Variants in EHBP1 observed in about 807,000 individuals in gnomAD.
EHBP1 encodes EH domain binding protein 1.
Under a neutral mutation model 144.0 loss-of-function variants are expected in EHBP1, and 55 were observed. The ratio of observed to expected loss-of-function variants is 0.38; its 90% CI spans 0.31 to 0.48. The LOEUF is 0.48. Among genes scored for constraint, EHBP1 ranks in the 20% least tolerant of loss-of-function variants. The pLI, the probability that EHBP1 is intolerant of heterozygous loss-of-function variation, is 0.98. For missense variants in EHBP1, 1,200 were observed against 1,364.2 expected (o/e 0.88, Z 1.90); for synonymous variants, 469 against 472.7 (o/e 0.99, Z 0.10).
chr2:63,016,660 A>G (rs777240883), intron 19 of EHBP1, among the ~76,000 whole-genome samples: 1 of 152,080 alleles, frequency 6.6e-6, no homozygotes, highest in African/African-American at 2.4e-5. Flanking sequence ...CGAACTCCTG[A>G]GCTCAGGTGA....
intron 6 of EHBP1, among the ~76,000 whole-genome samples, chr2:62,829,912 A>C (rs558587377): frequency 6.6e-6 from 1 of 150,944 alleles, no homozygotes; most frequent in Admixed American, 6.6e-5. Flanking sequence ...TGGTACAACC[A>C]CTATGAAAAA....
At chr2:62,986,983 A>G (rs1270509876) in intron 15 of EHBP1, among the ~76,000 whole-genome samples, 1 of 152,146 alleles carries the variant, frequency 6.6e-6, no homozygotes, top group Non-Finnish European at 1.5e-5. Context: ...AAGTTGCCCA[A>G]TTGAAAAAAA....
chr2:62,734,761 ATGTG>A (rs1489215373), intron 2 of EHBP1, among the ~76,000 whole-genome samples: 2 of 151,886 alleles, frequency 1.3e-5, no homozygotes, highest in African/African-American at 4.8e-5. Context: ...GTGTGCGTGC[ATGTG>A]TGTGTTTTAA....
At chr2:62,883,366 A>G (rs2051636770) in intron 10 of EHBP1, among the ~76,000 whole-genome samples, 2 of 152,354 alleles carry the variant, frequency 1.3e-5, no homozygotes, top group South Asian at 4.1e-4. Context: ...TTGCAGATAC[A>G]TTGTGGAATA....
chr2:62,921,478 A>G (rs2055076461), intron 10 of EHBP1, among the ~76,000 whole-genome samples: 1 of 152,072 alleles, frequency 6.6e-6, no homozygotes, highest in Admixed American at 6.6e-5. Context: ...TCCCCATGAT[A>G]ACCACAAAGA....
intron 21 of EHBP1, among the ~76,000 whole-genome samples, chr2:63,043,689 C>CG (rs922956169): frequency 9.3e-5 from 14 of 151,254 alleles, no homozygotes; most frequent in East Asian, 7.8e-4. Context: ...TGGAGGGGGT[C>CG]GGGGGGGATT....
intron 3 of EHBP1, among the ~76,000 whole-genome samples, chr2:62,758,053 CTCTTTTT>C (rs1217394449): frequency 2.6e-5 from 4 of 152,056 alleles, no homozygotes; most frequent in African/African-American, 9.6e-5. Flanking sequence ...TTATTGCTCA[CTCTTTTT>C]TGAGGTACGT....
chr2:62,953,173 C>T (rs1057213205), intron 13 of EHBP1, among the ~76,000 whole-genome samples: 1 of 128,986 alleles, frequency 7.8e-6, no homozygotes, highest in South Asian at 2.6e-4. Flanking sequence ...GCCGAGCTGG[C>T]GCCATTGTAC....
intron 14 of EHBP1, among the ~76,000 whole-genome samples, chr2:62,971,286 G>C (rs1559002713): frequency 6.6e-6 from 1 of 152,128 alleles, no homozygotes; most frequent in African/African-American, 2.4e-5. Flanking sequence ...TTAGCAAAGA[G>C]AAAAGCAAAG....
At chr2:62,812,940 A>T (rs1018865375) in intron 5 of EHBP1, among the ~76,000 whole-genome samples, 2 of 152,212 alleles carry the variant, frequency 1.3e-5, no homozygotes, top group African/African-American at 4.8e-5. Context: ...CTAAGCAACC[A>T]CTTACTAAGG....
At chr2:62,896,419 C>T (rs1175269712) in intron 10 of EHBP1, among the ~76,000 whole-genome samples, 1 of 152,092 alleles carries the variant, frequency 6.6e-6, no homozygotes. Flanking sequence ...TGGTGGAAAG[C>T]CAGTTAAGTT....
intron 5 of EHBP1, among the ~76,000 whole-genome samples, chr2:62,783,510 G>A (rs1343652934): frequency 1.2e-4 from 19 of 152,244 alleles, no homozygotes; most frequent in Admixed American, 1.2e-3. Flanking sequence ...TGAAATCTAG[G>A]TGGAGGTTTC....
chr2:63,032,412 C>T (rs1348691204), intron 19 of EHBP1, among the ~76,000 whole-genome samples: 1 of 151,068 alleles, frequency 6.6e-6, no homozygotes, highest in Non-Finnish European at 1.5e-5. Context: ...ACTGAAAATA[C>T]AAAAAATTAG....
intron 10 of EHBP1, among the ~76,000 whole-genome samples, chr2:62,911,984 A>G (rs1482531367): frequency 6.6e-6 from 1 of 152,236 alleles, no homozygotes; most frequent in Non-Finnish European, 1.5e-5. Context: ...TTCTGGAGAA[A>G]GATACTAGGG....
intron 6 of EHBP1, among the ~76,000 whole-genome samples, chr2:62,827,245 AT>A (rs960459938): frequency 2.6e-5 from 4 of 152,198 alleles, no homozygotes; most frequent in African/African-American, 9.7e-5. Context: ...GGCAAGTTGG[AT>A]TCTAAGCCAG....
chr2:62,829,293 T>C (rs1313373800), intron 6 of EHBP1, among the ~76,000 whole-genome samples: 3 of 152,064 alleles, frequency 2.0e-5, no homozygotes, highest in African/African-American at 4.8e-5. Context: ...TTCTGAGATA[T>C]TGGTGCACCC....
At chr2:62,753,589 GA>G (rs1285984938) in intron 3 of EHBP1, among the ~76,000 whole-genome samples, 7 of 152,078 alleles carry the variant, frequency 4.6e-5, no homozygotes, top group Non-Finnish European at 8.8e-5. Flanking sequence ...TAATATCCTG[GA>G]GAGTGTTTTC....
rs2061954716 is a variant in EHBP1 at position 63,046,373 on chromosome 2, T to G, written c.*873T>G. 1 of 152,708 alleles carries G rather than the reference T, an allele frequency of 6.5e-6. No individual in the cohort carries two copies. Among genetic ancestry groups the G allele is most frequent in the Non-Finnish European group, 1.5e-5 (1 of 68,048 alleles). 9.5% of individuals were successfully genotyped at this position (152,708 alleles called of 1,614,324 possible). On this transcript the variant is annotated 3_prime_UTR_variant, in exon 23 of 23. Coordinates refer to ENST00000431489, the MANE Select transcript of EHBP1 (RefSeq NM_001142616.3). The stretch of plus-strand genomic sequence containing the variant: ...CACTACAAGTAAATCCCCCATTTAA[T>G]ATTTTCTTCTTTAGCATAGCACTGT...
intron 5 of EHBP1, among the ~76,000 whole-genome samples, chr2:62,816,556 G>A (rs966352538): frequency 2.0e-5 from 3 of 152,128 alleles, no homozygotes; most frequent in Admixed American, 6.5e-5. Flanking sequence ...GATTAAAATT[G>A]TTTTTGGATA....
Sources: gnomAD v4.1 joint callset for allele counts (sites outside exome capture counted in the v4.1 genomes callset) on GRCh38, gnomAD v4.1.1 for gene constraint, MANE v1.5 for transcripts, NCBI Gene and HGNC (gene_info 2026-07-23, HGNC 2026-07-21) for gene names.